The following BYSL variants were observed in gnomAD, a reference collection of about 807,000 sequenced individuals.
The protein encoded by BYSL is bystin.
Under a neutral mutation model 45.4 loss-of-function variants are expected in BYSL, and 21 were observed. The ratio of observed to expected loss-of-function variants is 0.46; its 90% CI spans 0.33 to 0.67. BYSL has a LOEUF of 0.67. Ranked by LOEUF, BYSL falls within the 30% of genes least tolerant of loss-of-function variation. The pLI is 0.02. For missense variants in BYSL, 522 were observed against 578.5 expected, an observed-to-expected ratio of 0.90 and a Z score of 1.00; for synonymous variants, 215 against 231.3, an observed-to-expected ratio of 0.93 and a Z score of 0.64.
the BYSL span, among the ~76,000 whole-genome samples, chr6:41,912,638 TGA>T: frequency 6.6e-6 from 1 of 152,064 alleles, no homozygotes; most frequent in Admixed American, 6.6e-5. Context: ...ATTCCAGGCA[TGA>T]GCCACCGCGC....
chr6:41,925,521 A>G (rs1198086789), intron 1 of BYSL, among the ~76,000 whole-genome samples: 2 of 149,900 alleles, frequency 1.3e-5, no homozygotes, highest in East Asian at 4.0e-4. Context: ...CCGCCACCAC[A>G]CCCGGCTAAT....
chr6:41,932,279 A>T lies in BYSL; in HGVS notation c.969-82A>T, dbSNP rs1160774711. On this transcript the variant is annotated intron_variant, in intron 6 of 6. Coordinates refer to ENST00000230340, the MANE Select transcript of BYSL (RefSeq NM_004053.4). This position sits in a 1 kb window ranked among gnomAD's most constrained non-coding sequence, Gnocchi z 4.7. ...AGGGCCAGCAGAGGGGAAGAAAAAA[A>T]GGGGAAAGCATAGAGGGAGAAGTAG... The T allele has an allele frequency of 6.6e-6, 9 of 1,357,636 alleles. No homozygotes were observed. Among genetic ancestry groups the T allele is most frequent in the African/African-American group, 1.4e-5 (1 of 69,502 alleles). 84.1% of individuals were successfully genotyped at this position (1,357,636 alleles called of 1,614,324 possible).
At chr6:41,909,789 T>G in the BYSL span, among the ~76,000 whole-genome samples, 5 of 152,228 alleles carry the variant, frequency 3.3e-5, no homozygotes, top group African/African-American at 1.2e-4. Flanking sequence ...GTGTTGATCA[T>G]GTTTTAATTC....
chr6:41,915,197 G>A, the BYSL span, among the ~76,000 whole-genome samples: 2 of 152,184 alleles, frequency 1.3e-5, no homozygotes, highest in Admixed American at 6.5e-5. Flanking sequence ...ACTTTGGGAG[G>A]CCTATGTTGG....
rs776714476 is a variant in BYSL, at chr6:41,931,758, C to T, written c.896C>T (p.Thr299Ile). 8 of 1,614,072 alleles carry T rather than the reference C, an allele frequency of 5.0e-6. No homozygotes were observed. The highest frequency in any genetic ancestry group is 6.8e-6 in the Non-Finnish European group (8 of 1,180,038). ...CTGATTCCACTGTGCGAGTCTGGCA[C>T]TTGTACCCTCCGGGAAGCCATCATT... ...GILIPLCESGTCTLREAIIVG... is the reference protein window; with the variant it reads ...GILIPLCESGICTLREAIIVG... The change falls in exon 6 of 7, where the codon ACT becomes ATT. Residue 299 changes from threonine to isoleucine, a missense_variant. Transcript: ENST00000230340.
chr6:41,909,060 G>A, the BYSL span: 9 of 627,452 alleles, frequency 1.4e-5, no homozygotes, highest in Admixed American at 2.7e-4. Context: ...TGTAGTCCCA[G>A]GTACTTGGGA....
At chr6:41,921,436 T>C (rs887216501), upstream of BYSL, 31 of 1,355,648 alleles carry the variant, frequency 2.3e-5, no homozygotes, top group Admixed American at 2.9e-5. Context: ...GCTTCTGGCC[T>C]CCGAATGCTA....
At chr6:41,930,368 G>C in intron 3 of BYSL, 98 bp downstream of exon 3, 1 of 1,449,812 alleles carries the variant, frequency 6.9e-7, no homozygotes, top group South Asian at 1.4e-5. Flanking sequence ...ACATACTAAA[G>C]AAGTCATGGG....
upstream of BYSL, chr6:41,916,840 T>C (rs777057932): frequency 6.2e-6 from 10 of 1,613,948 alleles, no homozygotes; most frequent in Admixed American, 1.3e-4. Flanking sequence ...CCACACAAAA[T>C]GTTCCTTGCT....
chr6:41,927,616 C>A, intron 2 of BYSL, 80 bp downstream of exon 2: 1 of 1,552,160 alleles, frequency 6.4e-7, no homozygotes, highest in Non-Finnish European at 8.8e-7. Context: ...ACTTATGATT[C>A]CCTACCTTTG....
chr6:41,929,893 C>G (rs1180806164), intron 2 of BYSL, among the ~76,000 whole-genome samples: 2 of 152,232 alleles, frequency 1.3e-5, no homozygotes, highest in East Asian at 3.8e-4. Flanking sequence ...TCATAATAAC[C>G]TCCGTACAAC....
chr6:41,910,201 A>G, the BYSL span, among the ~76,000 whole-genome samples: 1 of 152,244 alleles, frequency 6.6e-6, no homozygotes, highest in Non-Finnish European at 1.5e-5. Flanking sequence ...GAGAGACCTC[A>G]GGATCTGGAT....
chr6:41,932,676 T>C lies in BYSL; in HGVS notation c.1284T>C (p.Asp428=), dbSNP rs1356492753. 6.2e-7 allele frequency: 1 copy of C among 1,612,630 alleles called. No individual in the cohort carries two copies. Among genetic ancestry groups the C allele is most frequent in the Non-Finnish European group, 8.5e-7 (1 of 1,178,756 alleles). The change falls in exon 7 of 7, where the codon GAT becomes GAC. Residue 428 remains aspartate (D), a synonymous_variant. Coordinates refer to ENST00000230340, the MANE Select transcript of BYSL (RefSeq NM_004053.4). This position sits in a 1 kb window ranked among gnomAD's most constrained non-coding sequence, Gnocchi z 4.7. ...RRELQSAVPR[D]VEDVPITVE Reference sequence around the variant, plus strand: ...AGCTTCAGAGTGCAGTCCCCCGCGATGTGGAAGATGTTCCCATCACCGTGG... The same window carrying C: ...AGCTTCAGAGTGCAGTCCCCCGCGACGTGGAAGATGTTCCCATCACCGTGG...
chr6:41,931,782 T>C lies in BYSL; in HGVS notation c.920T>C (p.Ile307Thr), dbSNP rs1291874259. ...SGTCTLREAI[I>T]VGSIITKCSI... ...ACTTGTACCCTCCGGGAAGCCATCATTGTGGGTAGCATCATCACCAAGTGC... is the reference window on the plus strand; with the variant it reads ...ACTTGTACCCTCCGGGAAGCCATCACTGTGGGTAGCATCATCACCAAGTGC... The change falls in exon 6 of 7, where the codon ATT becomes ACT. Residue 307 changes from isoleucine (I) to threonine (T), a missense_variant. By Grantham distance (89) the Ile-to-Thr change is moderately conservative. Transcript: ENST00000230340. 5 of 1,614,018 alleles carry C rather than the reference T, an allele frequency of 3.1e-6. No homozygotes were observed. Among genetic ancestry groups the C allele is most frequent in the Admixed American group, 3.3e-5 (2 of 59,998 alleles).
rs375354481 is a variant in BYSL, at chr6:41,930,236, C to A, written c.536C>A (p.Pro179His). The change falls in exon 3 of 7, where the codon CCC (proline) becomes CAC (histidine). Residue 179 changes from proline (P) to histidine (H), a missense_variant. Physicochemically the swap from Pro to His is moderately conservative, Grantham distance 77 (BLOSUM62 -2). Coordinates refer to ENST00000230340, the MANE Select transcript of BYSL (RefSeq NM_004053.4). Reference protein sequence around the residue: ...VSGFPMPQLDPRVLEVYRGVR... With the variant: ...VSGFPMPQLDHRVLEVYRGVR... ...GGCTTCCCTATGCCCCAGCTGGACC[C>A]CCGGGTCCTAGAAGTGTACAGGGGG... is the stretch of plus-strand genomic sequence containing the variant. 2 of 1,614,182 alleles carry A rather than the reference C, an allele frequency of 1.2e-6. No homozygotes were observed. The highest frequency in any genetic ancestry group is 1.7e-6 in the Non-Finnish European group (2 of 1,180,032).
chr6:41,916,899 G>C (rs1775328915), upstream of BYSL: 1 of 1,614,016 alleles, frequency 6.2e-7, no homozygotes, highest in African/African-American at 1.3e-5. Flanking sequence ...TCTACGGTTT[G>C]CTGAACACTC....
chr6:41,923,832 A>T lies in BYSL; in HGVS notation c.268+2002A>T, dbSNP rs2479725. On this transcript the variant is annotated intron_variant, in intron 1 of 6. Transcript: ENST00000230340. ...CTCCTTTGCCAGTCTGACCTCTTCT[A>T]CTGCTTTCCTCTTTGCCCATTCCAC... Among the ~76,000 whole-genome samples the T allele has an allele frequency of 5.1e-3, 782 of 152,186 alleles. 7 individuals carry two copies. The highest frequency in any genetic ancestry group is 0.018 in the African/African-American group (748 of 41,526).
chr6:41,922,684 A>G (rs1775502759), intron 1 of BYSL, among the ~76,000 whole-genome samples: 1 of 152,166 alleles, frequency 6.6e-6, no homozygotes, highest in Admixed American at 6.5e-5. Context: ...TTTAAATACC[A>G]TCCTTGAGTG....
chr6:41,915,940 A>G, the BYSL span, among the ~76,000 whole-genome samples: 2 of 152,162 alleles, frequency 1.3e-5, no homozygotes, highest in African/African-American at 4.8e-5. Context: ...CTACTTGTGT[A>G]TCAACTATAC....
Sources: gnomAD v4.1 joint callset for allele counts (sites outside exome capture counted in the v4.1 genomes callset) on GRCh38, gnomAD v4.1.1 for gene constraint, Gnocchi (gnomAD v3.1) non-coding constraint, MANE v1.5 for transcripts, NCBI Gene and HGNC (gene_info 2026-07-23, HGNC 2026-07-21) for gene names.